Variants in CERS6 observed in about 807,000 individuals in gnomAD.
CERS6 encodes ceramide synthase 6, also known as LAG1 homolog, ceramide synthase 6.
CERS6 carries 26 observed loss-of-function variants against 56.8 expected under a neutral mutation model. That is an observed-to-expected ratio of 0.46 (90% CI 0.34 to 0.63). The LOEUF is 0.63. CERS6 is among the 30% of genes least tolerant of loss of function. The pLI, the probability that CERS6 is intolerant of heterozygous loss-of-function variation, is 0.01. For synonymous variants in CERS6, 164 were observed against 173.3 expected (o/e 0.95, Z 0.42); for missense variants, 415 against 467.5 (o/e 0.89, Z 1.04).
chr2:168,696,232 C>T (rs1686643339), intron 6 of CERS6, among the ~76,000 whole-genome samples: 1 of 152,162 alleles, frequency 6.6e-6, no homozygotes, highest in Non-Finnish European at 1.5e-5. Context: ...CAAAGTGCTC[C>T]TGACTGAAGA....
At position 168,464,172 on chromosome 2, in the gene CERS6, T is replaced by TG. The variant is rs1558959208; in HGVS notation, c.170+7554_170+7555insG. On this transcript the variant is annotated intron_variant, in intron 1 of 9. Coordinates refer to ENST00000305747, the MANE Select transcript of CERS6 (RefSeq NM_203463.3). ...TTTTCTCTGGTCACATATTTATACTTTTTGTGTGTGTGTGTGTGTGTGTGT... is the reference window on the plus strand; with the variant it reads ...TTTTCTCTGGTCACATATTTATACTTGTTTGTGTGTGTGTGTGTGTGTGTGT... Among the ~76,000 whole-genome samples the TG allele has an allele frequency of 1.7e-4, 12 of 68,944 alleles. No individual in the cohort carries two copies. In the East Asian group the frequency reaches 6.9e-3, roughly 39 times the overall value. 45.2% of individuals were successfully genotyped at this position (68,944 alleles called of 152,430 possible).
intron 4 of CERS6, among the ~76,000 whole-genome samples, chr2:168,633,379 A>G (rs531025791): frequency 6.6e-6 from 1 of 152,294 alleles, no homozygotes; most frequent in East Asian, 1.9e-4. Context: ...TTCATAAGCC[A>G]TCTTGTCCAA....
chr2:168,753,629 A>T (rs1684337952), intron 8 of CERS6, among the ~76,000 whole-genome samples: 1 of 152,202 alleles, frequency 6.6e-6, no homozygotes, highest in Non-Finnish European at 1.5e-5. Flanking sequence ...ACCTAAAGAT[A>T]ATATGATGCA....
intron 8 of CERS6, among the ~76,000 whole-genome samples, chr2:168,744,894 A>C (rs1190768316): frequency 6.6e-6 from 1 of 152,208 alleles, no homozygotes; most frequent in East Asian, 1.9e-4. Context: ...TACACATTGA[A>C]ATCATCTGGG....
At chr2:168,569,188 G>A (rs913208604) in intron 3 of CERS6, among the ~76,000 whole-genome samples, 9 of 152,138 alleles carry the variant, frequency 5.9e-5, no homozygotes, top group Non-Finnish European at 8.8e-5. Flanking sequence ...CCTTTCCACC[G>A]TGTGTGCATA....
At chr2:168,765,798 G>GT in intron 9 of CERS6, 50 bp downstream of exon 9, 1 of 1,539,044 alleles carries the variant, frequency 6.5e-7, no homozygotes, top group Admixed American at 1.8e-5. Flanking sequence ...TTTTGTTTTT[G>GT]TAATTTCTCT....
intron 1 of CERS6, among the ~76,000 whole-genome samples, chr2:168,526,144 A>G (rs895675524): frequency 6.6e-6 from 1 of 152,208 alleles, no homozygotes; most frequent in Non-Finnish European, 1.5e-5. Flanking sequence ...CATTAAGAAA[A>G]CAAAATGTCC....
At chr2:168,457,524 A>G (rs1693694565) in intron 1 of CERS6, among the ~76,000 whole-genome samples, 1 of 152,158 alleles carries the variant, frequency 6.6e-6, no homozygotes, top group Admixed American at 6.5e-5. Context: ...CTGAAAGAAA[A>G]CCAGGACAGC....
At chr2:168,666,359 T>G (rs910069435) in intron 4 of CERS6, among the ~76,000 whole-genome samples, 22 of 152,310 alleles carry the variant, frequency 1.4e-4, no homozygotes, top group African/African-American at 5.3e-4. Context: ...ATCTTCTTAC[T>G]TTCTCCAAAG....
At chr2:168,672,732 C>T (rs1352380970) in intron 4 of CERS6, among the ~76,000 whole-genome samples, 1 of 152,178 alleles carries the variant, frequency 6.6e-6, no homozygotes, top group South Asian at 2.1e-4. Flanking sequence ...TTATATTCAG[C>T]AAATCTCTTC....
chr2:168,766,526 G>C (rs1245183108), intron 9 of CERS6, among the ~76,000 whole-genome samples: 1 of 152,182 alleles, frequency 6.6e-6, no homozygotes, highest in Non-Finnish European at 1.5e-5. Context: ...CTCTGTTAGG[G>C]CCCTTTGGTG....
chr2:168,456,706 G>A lies in CERS6; in HGVS notation c.170+88G>A. The stretch of plus-strand genomic sequence containing the variant: ...CGCGCTCTCTGGCGCACGCCCCCGC[G>A]CCCCCAACGCTCGCGTTCACGCCTC... On this transcript the variant is annotated intron_variant, in intron 1 of 9. Coordinates refer to ENST00000305747, the MANE Select transcript of CERS6 (RefSeq NM_203463.3). The surrounding 1 kb of genome is among the most constrained non-coding windows in gnomAD (Gnocchi z 4.1). 7.6e-7 allele frequency: 1 copy of A among 1,317,064 alleles called. No individual in the cohort carries two copies. The highest frequency in any genetic ancestry group is 1.1e-6 in the Non-Finnish European group (1 of 950,428). The allele number at this position is 1,317,064 out of a possible 1,614,324, so 81.6% of individuals were successfully genotyped here.
intron 2 of CERS6, among the ~76,000 whole-genome samples, chr2:168,555,695 A>G (rs1219395499): frequency 1.3e-5 from 2 of 149,888 alleles, no homozygotes; most frequent in Non-Finnish European, 3.0e-5. Context: ...TGACTAAAAA[A>G]TTTATTCTAG....
At chr2:168,750,605 C>G (rs1374531118) in intron 8 of CERS6, among the ~76,000 whole-genome samples, 1 of 152,148 alleles carries the variant, frequency 6.6e-6, no homozygotes, top group Non-Finnish European at 1.5e-5. Flanking sequence ...TCATTGGCTA[C>G]AGAGTATCTA....
intron 3 of CERS6, among the ~76,000 whole-genome samples, chr2:168,584,345 C>G (rs921108405): frequency 6.6e-6 from 1 of 152,070 alleles, no homozygotes; most frequent in East Asian, 1.9e-4. Flanking sequence ...ATTAACAAAC[C>G]TTTTGCTGTT....
At position 168,568,940 on chromosome 2, in the gene CERS6, G is replaced by A. The variant is rs888028444; in HGVS notation, c.407+7618G>A. Among the ~76,000 whole-genome samples the A allele has an allele frequency of 7.9e-5, 12 of 152,298 alleles. No homozygotes were observed. The East Asian group carries it at 2.3e-3, about 29-fold the overall frequency. ...TAAGCTAGGAACCTAATAAAAACAG[G>A]AGCAGTTTTATACACATTAAATGGC... On this transcript the variant is annotated intron_variant, in intron 3 of 9. Coordinates refer to ENST00000305747, the MANE Select transcript of CERS6 (RefSeq NM_203463.3).
intron 1 of CERS6, among the ~76,000 whole-genome samples, chr2:168,470,614 C>T (rs1189612307): frequency 6.6e-6 from 1 of 152,118 alleles, no homozygotes; most frequent in Admixed American, 6.5e-5. Context: ...TTTTTGTTTT[C>T]CTTCTGCCTT....
At chr2:168,652,997 C>A (rs1022764631) in intron 4 of CERS6, among the ~76,000 whole-genome samples, 1 of 152,168 alleles carries the variant, frequency 6.6e-6, no homozygotes, top group Non-Finnish European at 1.5e-5. Flanking sequence ...AGCATTTATA[C>A]GTGTTGTGTA....
chr2:168,633,586 G>A (rs1309934396), intron 4 of CERS6, among the ~76,000 whole-genome samples: 1 of 152,100 alleles, frequency 6.6e-6, no homozygotes, highest in Non-Finnish European at 1.5e-5. Context: ...CCTTCTTTGG[G>A]TAGCAGGCTT....
Sources: allele counts gnomAD v4.1 joint callset (sites outside exome capture counted in the v4.1 genomes callset), GRCh38; gene constraint gnomAD v4.1.1; non-coding constraint Gnocchi (gnomAD v3.1); transcripts MANE v1.5; gene names NCBI Gene and HGNC (gene_info 2026-07-23, HGNC 2026-07-21).